LCORL: variants seen among roughly 807,000 people sequenced by gnomAD.
The protein encoded by LCORL is ligand-dependent nuclear receptor corepressor-like protein.
In LCORL, 41 loss-of-function variants were observed where a neutral mutation model predicts 141.8. That is an observed-to-expected ratio of 0.29 (90% CI 0.23 to 0.38). LCORL has a LOEUF of 0.38. Ranked by LOEUF, LCORL falls within the 10% of genes least tolerant of loss-of-function variation. The probability of loss-of-function intolerance (pLI) is 1.00; values close to 1 mark genes in which losing one functional copy is unlikely to be tolerated. For synonymous variants in LCORL, 618 were observed against 694.1 expected (o/e 0.89, Z 1.72); for missense variants, 1,759 against 2,035.0 (o/e 0.86, Z 2.61).
intron 2 of LCORL, among the ~76,000 whole-genome samples, chr4:17,965,922 G>A (rs907431205): frequency 2.6e-5 from 4 of 152,002 alleles, no homozygotes; most frequent in African/African-American, 7.2e-5. Flanking sequence ...TAAATTTAGC[G>A]TTTCCAAAGA....
At chr4:17,869,560 T>C (rs1203354325) in intron 7 of LCORL, among the ~76,000 whole-genome samples, 1 of 152,160 alleles carries the variant, frequency 6.6e-6, no homozygotes, top group African/African-American at 2.4e-5. Context: ...ACCTCTCAAC[T>C]ACTGTCATCT....
At chr4:18,006,034 A>AAT (rs1722751768) in intron 1 of LCORL, among the ~76,000 whole-genome samples, 1 of 152,242 alleles carries the variant, frequency 6.6e-6, no homozygotes, top group East Asian at 1.9e-4. Context: ...AAATTTCCAA[A>AAT]CTTTTATGCT....
At chr4:17,941,668 C>A (rs1361071519) in intron 4 of LCORL, among the ~76,000 whole-genome samples, 1 of 152,058 alleles carries the variant, frequency 6.6e-6, no homozygotes, top group African/African-American at 2.4e-5. Flanking sequence ...CCTTGATATA[C>A]AAAACACTTA....
chr4:18,001,117 G>A (rs1287147962), intron 1 of LCORL, among the ~76,000 whole-genome samples: 2 of 152,138 alleles, frequency 1.3e-5, no homozygotes, highest in Non-Finnish European at 2.9e-5. Flanking sequence ...GCTGCAGTGA[G>A]CTATGACAGC....
At chr4:17,875,364 A>T in exon 7 of LCORL, 1 of 1,231,360 alleles carries the variant, frequency 8.1e-7, no homozygotes, top group Non-Finnish European at 1.0e-6. Flanking sequence ...AGACCCCAAG[A>T]TCTCACTTTC....
At position 17,957,430 on chromosome 4, in the gene LCORL, C is replaced by CT. The variant is rs1712892153; in HGVS notation, c.430+4472dup. The stretch of plus-strand genomic sequence containing the variant: ...GAAAGAGGAACACTCAGAGAAGAGA[C>CT]TGAGGGATTCTGTTGATGGAAGACC... On this transcript the variant is annotated intron_variant, in intron 4 of 7. Coordinates refer to ENST00000635767, the Ensembl canonical transcript of LCORL. Among the ~76,000 whole-genome samples the CT allele has an allele frequency of 2.0e-5, 3 of 152,036 alleles. No individual in the cohort carries two copies. In the South Asian group the frequency reaches 6.2e-4, roughly 32 times the overall value.
intron 1 of LCORL, among the ~76,000 whole-genome samples, chr4:18,002,071 G>C (rs1722062568): frequency 6.6e-6 from 1 of 152,104 alleles, no homozygotes. Flanking sequence ...TATCATGAGT[G>C]CTGACAAATA....
At chr4:17,869,451 T>G (rs1366459538) in intron 7 of LCORL, among the ~76,000 whole-genome samples, 2 of 152,164 alleles carry the variant, frequency 1.3e-5, no homozygotes, top group Non-Finnish European at 2.9e-5. Flanking sequence ...TGGAACCGTT[T>G]CAGGGCTCAT....
chr4:17,872,185 TAAGC>T (rs1274871094), intron 7 of LCORL, among the ~76,000 whole-genome samples: 1 of 152,048 alleles, frequency 6.6e-6, no homozygotes, highest in African/African-American at 2.4e-5. Flanking sequence ...TCTTTCATGT[TAAGC>T]AAGTAATCAA....
At chr4:17,952,979 G>A (rs1027149740) in intron 4 of LCORL, among the ~76,000 whole-genome samples, 1 of 152,020 alleles carries the variant, frequency 6.6e-6, no homozygotes, top group Admixed American at 6.5e-5. Context: ...ACTTATAAGT[G>A]AGAACATGTG....
At chr4:17,899,363 C>T (rs1481400982) in intron 5 of LCORL, among the ~76,000 whole-genome samples, 4 of 151,364 alleles carry the variant, frequency 2.6e-5, no homozygotes, top group African/African-American at 9.7e-5. Context: ...AGGGGGCAAG[C>T]CAAAAAAAAA....
chr4:17,874,047 A>G (rs1466827271), exon 7 of LCORL: 1 of 1,234,018 alleles, frequency 8.1e-7, no homozygotes, highest in Non-Finnish European at 1.0e-6. Flanking sequence ...TTGGAGTGGG[A>G]TGTCAGCATT....
chr4:17,922,311 A>G (rs1366915436), intron 4 of LCORL, among the ~76,000 whole-genome samples: 19 of 152,164 alleles, frequency 1.2e-4, no homozygotes, highest in Admixed American at 1.2e-3. Context: ...CTCTACTTCT[A>G]AAAGTATGGA....
At chr4:17,952,496 A>G (rs1487616035) in intron 4 of LCORL, among the ~76,000 whole-genome samples, 7 of 151,034 alleles carry the variant, frequency 4.6e-5, no homozygotes. Flanking sequence ...GCTCACTGCA[A>G]GCTCTGCCTC....
intron 6 of LCORL, chr4:17,882,848 C>A: frequency 1.0e-6 from 1 of 983,156 alleles, no homozygotes; most frequent in Non-Finnish European, 1.2e-6. Context: ...TTTCTGTGCA[C>A]ATTATAAACA....
chr4:17,949,911 T>G (rs1739456301), intron 4 of LCORL, among the ~76,000 whole-genome samples: 1 of 152,116 alleles, frequency 6.6e-6, no homozygotes, highest in African/African-American at 2.4e-5. Flanking sequence ...GTAGCAGCAC[T>G]CCTCACTGAA....
intron 4 of LCORL, among the ~76,000 whole-genome samples, chr4:17,915,806 A>G (rs933193234): frequency 7.2e-5 from 11 of 152,214 alleles, no homozygotes; most frequent in African/African-American, 2.2e-4. Context: ...CTAGTTAATT[A>G]AAGTGCAAAA....
intron 7 of LCORL, among the ~76,000 whole-genome samples, chr4:17,856,328 G>C (rs551744479): frequency 6.6e-6 from 1 of 152,180 alleles, no homozygotes; most frequent in Non-Finnish European, 1.5e-5. Context: ...AAGGTCGTAA[G>C]AGTGAAGCTC....
At chr4:17,856,957 T>C (rs1724429133) in intron 7 of LCORL, among the ~76,000 whole-genome samples, 1 of 152,198 alleles carries the variant, frequency 6.6e-6, no homozygotes, top group Non-Finnish European at 1.5e-5. Flanking sequence ...CTTACTAAAA[T>C]ACAGACTGGT....
Sources: allele counts gnomAD v4.1 joint callset (sites outside exome capture counted in the v4.1 genomes callset), GRCh38; gene constraint gnomAD v4.1.1; transcripts MANE v1.5; gene names NCBI Gene and HGNC (gene_info 2026-07-23, HGNC 2026-07-21).